Variants in CDH13 observed in about 807,000 individuals in gnomAD.
The protein encoded by CDH13 is cadherin-13.
In CDH13, 24 loss-of-function variants were observed where a neutral mutation model predicts 63.8. The ratio of observed to expected loss-of-function variants is 0.38; its 90% CI spans 0.27 to 0.53. The LOEUF (loss-of-function observed/expected upper bound fraction) is 0.53. Ranked by LOEUF, CDH13 falls within the 20% of genes least tolerant of loss-of-function variation. The pLI, the probability that CDH13 is intolerant of heterozygous loss-of-function variation, is 0.85. For missense variants in CDH13, 1,049 were observed against 903.1 expected, an observed-to-expected ratio of 1.16 and a Z score of -2.07; for synonymous variants, 503 against 355.3, an observed-to-expected ratio of 1.42 and a Z score of -4.67.
intron 8 of CDH13, among the ~76,000 whole-genome samples, chr16:83,608,935 A>T (rs1908609463): frequency 6.6e-6 from 1 of 152,154 alleles, no homozygotes; most frequent in South Asian, 2.1e-4. Flanking sequence ...ACATAAGATC[A>T]TTGTCTATAG....
At chr16:82,917,139 A>C (rs907344303) in intron 2 of CDH13, among the ~76,000 whole-genome samples, 1 of 152,218 alleles carries the variant, frequency 6.6e-6, no homozygotes, top group Non-Finnish European at 1.5e-5. Context: ...TGCATTCAAC[A>C]GAGAAAGTAA....
At chr16:83,108,084 G>A (rs563211011) in intron 3 of CDH13, among the ~76,000 whole-genome samples, 3 of 152,146 alleles carry the variant, frequency 2.0e-5, no homozygotes, top group Non-Finnish European at 4.4e-5. Flanking sequence ...GCCTCCCAAA[G>A]TGCTGGGATT....
chr16:83,095,674 T>G (rs140209935), intron 3 of CDH13, among the ~76,000 whole-genome samples: 1 of 152,312 alleles, frequency 6.6e-6, no homozygotes, highest in East Asian at 1.9e-4. Context: ...TTAGTTGAAG[T>G]GACCGGTACA....
At chr16:83,243,655 C>CAA (rs1904698566) in intron 5 of CDH13, among the ~76,000 whole-genome samples, 1 of 152,138 alleles carries the variant, frequency 6.6e-6, no homozygotes, top group African/African-American at 2.4e-5. Context: ...AGGATCATCA[C>CAA]AAAATGTATT....
chr16:83,274,003 C>G (rs998725400), intron 5 of CDH13, among the ~76,000 whole-genome samples: 1 of 152,170 alleles, frequency 6.6e-6, no homozygotes, highest in Non-Finnish European at 1.5e-5. Context: ...CTTACACTTT[C>G]CATCTTCCTC....
At chr16:83,392,536 C>T (rs1025752232) in intron 6 of CDH13, among the ~76,000 whole-genome samples, 2 of 152,096 alleles carry the variant, frequency 1.3e-5, no homozygotes, top group Admixed American at 6.5e-5. Flanking sequence ...TCTTTGTGAC[C>T]ACTCACAGTA....
intron 3 of CDH13, among the ~76,000 whole-genome samples, chr16:83,087,938 A>G (rs1192124635): frequency 6.6e-6 from 1 of 152,130 alleles, no homozygotes; most frequent in African/African-American, 2.4e-5. Flanking sequence ...CCTTTACTGA[A>G]CACTCACTTT....
intron 3 of CDH13, among the ~76,000 whole-genome samples, chr16:83,036,914 G>C (rs1916912762): frequency 1.3e-5 from 2 of 152,162 alleles, no homozygotes; most frequent in African/African-American, 4.8e-5. Flanking sequence ...GCCAGAGGAA[G>C]CTGGAACAGA....
At chr16:83,545,309 G>A (rs1315632678) in intron 7 of CDH13, among the ~76,000 whole-genome samples, 3 of 152,020 alleles carry the variant, frequency 2.0e-5, no homozygotes, top group African/African-American at 7.2e-5. Context: ...TAATGAAGAA[G>A]GAAAAAAAAT....
chr16:82,803,238 A>G (rs1316686901), intron 1 of CDH13, among the ~76,000 whole-genome samples: 1 of 152,224 alleles, frequency 6.6e-6, no homozygotes, highest in Non-Finnish European at 1.5e-5. Context: ...ATAGCACCAC[A>G]AAGACGTGGA....
At chr16:83,741,903 C>T (rs1205930244) in intron 10 of CDH13, among the ~76,000 whole-genome samples, 1 of 152,170 alleles carries the variant, frequency 6.6e-6, no homozygotes, top group Non-Finnish European at 1.5e-5. Context: ...GCGGCACACT[C>T]CTTATGAGAA....
At chr16:83,356,453 A>G (rs559451202) in intron 6 of CDH13, among the ~76,000 whole-genome samples, 4 of 152,282 alleles carry the variant, frequency 2.6e-5, no homozygotes, top group African/African-American at 7.2e-5. Context: ...TGAGCCATCC[A>G]TCAGTCAAGA....
At chr16:83,127,718 C>T (rs1461885672) in intron 4 of CDH13, among the ~76,000 whole-genome samples, 2 of 152,142 alleles carry the variant, frequency 1.3e-5, no homozygotes, top group Non-Finnish European at 2.9e-5. Context: ...CAGGGTGAGA[C>T]TCTGTGTCAA....
chr16:83,166,372 A>C (rs1393967857), intron 4 of CDH13, among the ~76,000 whole-genome samples: 1 of 152,148 alleles, frequency 6.6e-6, no homozygotes, highest in Non-Finnish European at 1.5e-5. Context: ...CTCGGCCCAG[A>C]CAGGAAGAGT....
At chr16:83,004,646 C>T (rs552911891) in intron 2 of CDH13, among the ~76,000 whole-genome samples, 38 of 152,082 alleles carry the variant, frequency 2.5e-4, no homozygotes, top group African/African-American at 8.2e-4. Context: ...TACAGGTGCC[C>T]GCCACCACAC....
intron 1 of CDH13, among the ~76,000 whole-genome samples, chr16:82,831,527 C>A (rs537776234): frequency 6.6e-6 from 1 of 152,218 alleles, no homozygotes; most frequent in Non-Finnish European, 1.5e-5. Flanking sequence ...ACAACTCCAA[C>A]AATGACACAA....
chr16:83,264,536 GTGTGTATATATATGTA>G (rs1907369583), intron 5 of CDH13, among the ~76,000 whole-genome samples: 1 of 106,106 alleles, frequency 9.4e-6, no homozygotes, highest in Non-Finnish European at 1.9e-5. Flanking sequence ...ATGTATATGT[GTGTGTATATATATGTA>G]TGTGTGTGTG....
intron 4 of CDH13, among the ~76,000 whole-genome samples, chr16:83,163,238 C>G (rs2037521184): frequency 6.6e-6 from 1 of 151,972 alleles, no homozygotes. Flanking sequence ...GTAAATTGCC[C>G]AATCTCGAGT....
chr16:83,604,774 A>G (rs1908173062), intron 8 of CDH13, among the ~76,000 whole-genome samples: 1 of 152,234 alleles, frequency 6.6e-6, no homozygotes, highest in Non-Finnish European at 1.5e-5. Context: ...CAAAAATAGG[A>G]TAACCCCAAC....
Sources: allele counts gnomAD v4.1 joint callset (sites outside exome capture counted in the v4.1 genomes callset), GRCh38; gene constraint gnomAD v4.1.1; transcripts MANE v1.5; gene names NCBI Gene and HGNC (gene_info 2026-07-23, HGNC 2026-07-21).